Variants in PTGER3 observed in about 807,000 individuals in gnomAD.
PTGER3 encodes prostaglandin E2 receptor EP3 subtype.
Under a neutral mutation model 34.7 loss-of-function variants are expected in PTGER3, and 22 were observed. The observed-to-expected ratio is 0.63, with a 90% CI of 0.45 to 0.91. PTGER3 has a LOEUF of 0.91. PTGER3 is among the 40% of genes least tolerant of loss of function. The pLI is 0.00. For missense variants in PTGER3, 468 were observed against 519.4 expected (o/e 0.90, Z 0.96); for synonymous variants, 241 against 230.1 (o/e 1.05, Z -0.43).
chr1:70,857,659 C>A (rs1447084878), intron 4 of PTGER3, among the ~76,000 whole-genome samples: 1 of 152,008 alleles, frequency 6.6e-6, no homozygotes, highest in African/African-American at 2.4e-5. Flanking sequence ...CCTCAGCCTC[C>A]CGGGTAGCTG....
chr1:70,995,307 G>C (rs1655833966), intron 2 of PTGER3, among the ~76,000 whole-genome samples: 1 of 152,176 alleles, frequency 6.6e-6, no homozygotes, highest in Admixed American at 6.5e-5. Context: ...AATTGGAATG[G>C]TAGATTGGGA....
At position 70,974,407 on chromosome 1, in the gene PTGER3, T is replaced by C; in HGVS notation, c.1078-19A>G. The C allele has an allele frequency of 1.1e-6, 1 of 879,786 alleles. No individual in the cohort carries two copies. The highest frequency in any genetic ancestry group is 2.0e-6 in the Non-Finnish European group (1 of 509,980). 54.5% of individuals were successfully genotyped at this position (879,786 alleles called of 1,614,324 possible). On this transcript the variant is annotated intron_variant, in intron 2 of 3. Transcript: ENST00000306666. The stretch of plus-strand genomic sequence containing the variant: ...ACCTGATCTGTGAACAGACAGAGGA[T>C]TTCACAGGACACTTCCTTGAGTATT...
chr1:70,930,661 T>C (rs1264661027), intron 4 of PTGER3, among the ~76,000 whole-genome samples: 1 of 152,024 alleles, frequency 6.6e-6, no homozygotes, highest in Admixed American at 6.6e-5. Flanking sequence ...ATGAGGAAGG[T>C]ACAAAAGCAG....
intron 2 of PTGER3, chr1:71,006,843 A>G (rs1345950425): frequency 3.0e-6 from 3 of 985,342 alleles, no homozygotes; most frequent in Non-Finnish European, 2.4e-6. Context: ...GACATCAGGA[A>G]GAAAACACAG....
At chr1:70,961,456 G>A (rs1651927635) in intron 2 of PTGER3, among the ~76,000 whole-genome samples, 1 of 152,040 alleles carries the variant, frequency 6.6e-6, no homozygotes, top group Non-Finnish European at 1.5e-5. Context: ...TTCTTTTTAT[G>A]AACATGTGCC....
intron 2 of PTGER3, among the ~76,000 whole-genome samples, chr1:70,976,124 A>T (rs928310130): frequency 6.6e-6 from 1 of 152,126 alleles, no homozygotes; most frequent in African/African-American, 2.4e-5. Flanking sequence ...ATTAAAAAAA[A>T]AAAACCTAAA....
downstream of PTGER3, among the ~76,000 whole-genome samples, chr1:70,967,024 A>G (rs1557694838): frequency 6.6e-6 from 1 of 152,116 alleles, no homozygotes; most frequent in Non-Finnish European, 1.5e-5. Flanking sequence ...GAATCTCTAT[A>G]CTGTCTTCCA....
At chr1:71,035,756 C>G (rs1180335369) in intron 1 of PTGER3, among the ~76,000 whole-genome samples, 1 of 152,224 alleles carries the variant, frequency 6.6e-6, no homozygotes, top group African/African-American at 2.4e-5. Context: ...GCTGGCCTTG[C>G]AGGCAATCTC....
rs576528938 is a variant in PTGER3, at chr1:70,933,119, T to A, written c.*23+20644A>T. ...AAAGGACAAAGCTGTGTCTTCTCTG[T>A]ATCTTACTTATTTGTGTAAAGTAAT... On this transcript the variant is annotated intron_variant, in intron 4 of 4. Transcript: ENST00000370931. 6.6e-5 allele frequency among the ~76,000 whole-genome samples: 10 copies of A among 152,356 alleles called. No individual in the cohort carries two copies. In the East Asian group the frequency reaches 1.7e-3, roughly 26 times the overall value.
intron 4 of PTGER3, among the ~76,000 whole-genome samples, chr1:70,942,289 C>T (rs1480107461): frequency 6.6e-6 from 1 of 152,208 alleles, no homozygotes; most frequent in Non-Finnish European, 1.5e-5. Context: ...GGACCTGTAG[C>T]ACCAACCCTG....
At chr1:70,884,602 C>A (rs1339184264) in intron 4 of PTGER3, among the ~76,000 whole-genome samples, 4 of 152,088 alleles carry the variant, frequency 2.6e-5, no homozygotes, top group Non-Finnish European at 5.9e-5. Context: ...CTAGTGAGAC[C>A]CTGAGCTGAA....
chr1:70,881,512 C>T (rs1007727865), intron 4 of PTGER3, among the ~76,000 whole-genome samples: 1 of 152,042 alleles, frequency 6.6e-6, no homozygotes, highest in Admixed American at 6.6e-5. Flanking sequence ...GTTGTTGTTG[C>T]CAGAGTTCCT....
chr1:70,970,556 T>G (rs1652967816), downstream of PTGER3, among the ~76,000 whole-genome samples: 1 of 152,146 alleles, frequency 6.6e-6, no homozygotes, highest in African/African-American at 2.4e-5. Flanking sequence ...GCAAAACTTC[T>G]GATACCATAT....
intron 4 of PTGER3, among the ~76,000 whole-genome samples, chr1:70,872,302 G>A (rs1300260572): frequency 6.6e-6 from 1 of 152,138 alleles, no homozygotes; most frequent in East Asian, 1.9e-4. Flanking sequence ...ACTATTAATA[G>A]TCTACATTTT....
At chr1:70,970,447 T>C (rs1004318765), downstream of PTGER3, among the ~76,000 whole-genome samples, 3 of 152,218 alleles carry the variant, frequency 2.0e-5, no homozygotes, top group African/African-American at 4.8e-5. Flanking sequence ...TTATAGTTTA[T>C]AGCTAATTCA....
chr1:71,039,311 T>C (rs1660084641), intron 1 of PTGER3, among the ~76,000 whole-genome samples: 1 of 151,912 alleles, frequency 6.6e-6, no homozygotes, highest in Admixed American at 6.6e-5. Flanking sequence ...ATTACAGGGC[T>C]GAGAGAATGC....
At chr1:70,941,584 C>T (rs1161020681) in intron 4 of PTGER3, among the ~76,000 whole-genome samples, 1 of 152,128 alleles carries the variant, frequency 6.6e-6, no homozygotes, top group Non-Finnish European at 1.5e-5. Context: ...ATGTTTTTAA[C>T]TGAGCCTTTC....
chr1:70,863,567 A>G (rs1025348458), intron 4 of PTGER3, among the ~76,000 whole-genome samples: 2 of 152,220 alleles, frequency 1.3e-5, no homozygotes, highest in African/African-American at 4.8e-5. Context: ...CTGGGTCAAG[A>G]TCCATTCATG....
chr1:70,971,896 A>G (rs1653123950), intron 3 of PTGER3, among the ~76,000 whole-genome samples, 163 bp from the exon 4 acceptor site: 2 of 152,214 alleles, frequency 1.3e-5, no homozygotes, highest in Admixed American at 1.3e-4. Flanking sequence ...AGATTTAAAA[A>G]AGCAATTGTA....
Sources: gnomAD v4.1 joint callset for allele counts (sites outside exome capture counted in the v4.1 genomes callset) on GRCh38, gnomAD v4.1.1 for gene constraint, MANE v1.5 for transcripts, NCBI Gene and HGNC (gene_info 2026-07-23, HGNC 2026-07-21) for gene names.